The following CYREN variants were observed in gnomAD, a reference collection of about 807,000 sequenced individuals.
CYREN encodes cell cycle regulator of NHEJ.
Under a neutral mutation model 9.7 loss-of-function variants are expected in CYREN, and 7 were observed. The ratio of observed to expected loss-of-function variants is 0.72; its 90% CI spans 0.41 to 1.36. CYREN has a LOEUF of 1.36. CYREN is among the 40% of genes most tolerant of loss of function. The pLI is 0.01. For missense variants in CYREN, 215 were observed against 198.1 expected (o/e 1.09, Z -0.51); for synonymous variants, 76 against 77.9 (o/e 0.98, Z 0.13).
At chr7:135,156,633 A>G (rs1829800793) in intron 2 of CYREN, among the ~76,000 whole-genome samples, 1 of 152,028 alleles carries the variant, frequency 6.6e-6, no homozygotes, top group East Asian at 1.9e-4. Context: ...ATTTCTTTGT[A>G]TTAGTTTTCA....
At chr7:135,105,859 T>A (rs998467338) in intron 2 of CYREN, among the ~76,000 whole-genome samples, 2 of 152,246 alleles carry the variant, frequency 1.3e-5, no homozygotes, top group Non-Finnish European at 2.9e-5. Context: ...CATTGATTCT[T>A]CTGACCCATG....
chr7:135,144,938 TA>T (rs58443282), intron 2 of CYREN, among the ~76,000 whole-genome samples: 48 of 45,620 alleles, frequency 1.1e-3, no homozygotes, highest in East Asian at 2.3e-3. Flanking sequence ...CTCAAAAGAG[TA>T]AAAAAAAAAA....
intron 2 of CYREN, among the ~76,000 whole-genome samples, chr7:135,105,295 C>G (rs1005398076): frequency 2.0e-5 from 3 of 151,518 alleles, no homozygotes; most frequent in Non-Finnish European, 4.4e-5. Flanking sequence ...GTCTTGAACT[C>G]CTGACCTCAG....
At chr7:135,156,382 G>A (rs376126581) in intron 2 of CYREN, among the ~76,000 whole-genome samples, 1 of 151,984 alleles carries the variant, frequency 6.6e-6, no homozygotes, top group South Asian at 2.1e-4. Context: ...ACATCTCAAA[G>A]GCTTTATTCA....
intron 2 of CYREN, among the ~76,000 whole-genome samples, chr7:135,145,918 A>G (rs1829537439): frequency 6.6e-6 from 1 of 152,218 alleles, no homozygotes; most frequent in Admixed American, 6.5e-5. Flanking sequence ...AAAAAAACCT[A>G]ACGGACATAC....
intron 2 of CYREN, among the ~76,000 whole-genome samples, chr7:135,125,662 C>T (rs1371005773): frequency 2.6e-5 from 4 of 152,114 alleles, no homozygotes; most frequent in African/African-American, 9.7e-5. Context: ...ACTGGCAAAC[C>T]GAATCCAGCA....
chr7:135,142,320 C>T (rs1030226836), intron 2 of CYREN, among the ~76,000 whole-genome samples: 3 of 152,066 alleles, frequency 2.0e-5, no homozygotes, highest in African/African-American at 7.2e-5. Flanking sequence ...ATTTGCCCTT[C>T]CTTATGATTT....
chr7:135,106,758 C>T (rs1824786264), intron 2 of CYREN, among the ~76,000 whole-genome samples: 2 of 152,126 alleles, frequency 1.3e-5, no homozygotes, highest in South Asian at 2.1e-4. Context: ...CCCTCCTCCT[C>T]AGCTTTTTGA....
At chr7:135,150,776 A>G (rs1562921443) in intron 2 of CYREN, among the ~76,000 whole-genome samples, 2 of 152,188 alleles carry the variant, frequency 1.3e-5, no homozygotes, top group East Asian at 1.9e-4. Flanking sequence ...GAATTTCTTG[A>G]ACCCGGGAGG....
chr7:135,097,329 C>T (rs1264672254), intron 2 of CYREN, among the ~76,000 whole-genome samples: 1 of 151,938 alleles, frequency 6.6e-6, no homozygotes, highest in Non-Finnish European at 1.5e-5. Flanking sequence ...TGAATCATGG[C>T]AACAAAAGAA....
At chr7:135,167,955 G>C in intron 2 of CYREN, 148 bp from the exon 3 acceptor site, 1 of 1,378,094 alleles carries the variant, frequency 7.3e-7, no homozygotes, top group Non-Finnish European at 9.7e-7. Flanking sequence ...TTCTGACACG[G>C]ACACAATTTC....
At position 135,151,657 on chromosome 7, in the gene CYREN, C is replaced by T. The variant is rs538432531; in HGVS notation, n.356+17092G>A. Among the ~76,000 whole-genome samples, 1 of 152,328 alleles carries T rather than the reference C, an allele frequency of 6.6e-6. No homozygotes were observed. Among genetic ancestry groups the T allele is most frequent in the Admixed American group, 6.5e-5 (1 of 15,298 alleles). On this transcript the variant is annotated intron_variant and non_coding_transcript_variant, in intron 2 of 2. Transcript: ENST00000459937. The surrounding 1 kb of genome is among the most constrained non-coding windows in gnomAD (Gnocchi z 4.3). ...ACACATTGACCCAGTTTGTGTCAGG[C>T]CCCAAGCCCTCTATATGTGAGTGAA...
intron 3 of CYREN, 134 bp downstream of exon 3, chr7:135,167,598 G>A (rs747857760): frequency 3.2e-5 from 48 of 1,486,036 alleles, no homozygotes; most frequent in Non-Finnish European, 4.1e-5. Flanking sequence ...GCCGAGATAA[G>A]AGCAAGGGAA....
intron 2 of CYREN, among the ~76,000 whole-genome samples, chr7:135,138,067 A>G (rs572124466): frequency 1.3e-5 from 2 of 152,146 alleles, no homozygotes; most frequent in Admixed American, 6.6e-5. Context: ...CGCTGACTAC[A>G]GTTCTGTATC....
chr7:135,146,567 A>G (rs1341141681), intron 2 of CYREN, among the ~76,000 whole-genome samples: 1 of 152,246 alleles, frequency 6.6e-6, no homozygotes, highest in Non-Finnish European at 1.5e-5. Flanking sequence ...GCATATTCCA[A>G]TATTGTAAAC....
chr7:135,125,929 C>T (rs1015917611), intron 2 of CYREN, among the ~76,000 whole-genome samples: 30 of 152,150 alleles, frequency 2.0e-4, no homozygotes, highest in Admixed American at 1.9e-3. Flanking sequence ...CAATATATAG[C>T]CAATATCATA....
Position 135,151,511 on chromosome 7 carries a change from A to G in CYREN, n.356+17238T>C, listed in dbSNP as rs1044786026. On this transcript the variant is annotated intron_variant and non_coding_transcript_variant, in intron 2 of 2. Transcript: ENST00000459937. The surrounding 1 kb of genome is among the most constrained non-coding windows in gnomAD (Gnocchi z 4.3). Reference sequence around the variant, plus strand: ...CTGTTGCCCCGGCTTTATTCTGCTAACATTTTCTTCCCAGTTCTCCTCTCT... The same window carrying G: ...CTGTTGCCCCGGCTTTATTCTGCTAGCATTTTCTTCCCAGTTCTCCTCTCT... Among the ~76,000 whole-genome samples, 1 of 152,164 alleles carries G rather than the reference A, an allele frequency of 6.6e-6. No individual in the cohort carries two copies. The highest frequency in any genetic ancestry group is 6.5e-5 in the Admixed American group (1 of 15,278).
chr7:135,147,708 T>G, intron 2 of CYREN: 1 of 451,654 alleles, frequency 2.2e-6, no homozygotes, highest in South Asian at 1.6e-5. Flanking sequence ...AGGAAATGAG[T>G]AGGAGGTGAC....
intron 2 of CYREN, among the ~76,000 whole-genome samples, chr7:135,150,706 T>C (rs1829648302): frequency 6.6e-6 from 1 of 151,904 alleles, no homozygotes; most frequent in Admixed American, 6.6e-5. Flanking sequence ...GACCGTGGAG[T>C]CCTGCCAACA....
Sources: gnomAD v4.1 joint callset for allele counts (sites outside exome capture counted in the v4.1 genomes callset) on GRCh38, gnomAD v4.1.1 for gene constraint, Gnocchi (gnomAD v3.1) non-coding constraint, MANE v1.5 for transcripts, NCBI Gene and HGNC (gene_info 2026-07-23, HGNC 2026-07-21) for gene names.